SETD2: variants seen among roughly 807,000 people sequenced by gnomAD.
SETD2 encodes the protein SET domain containing 2, histone lysine methyltransferase.
In SETD2, 31 loss-of-function variants were observed where a neutral mutation model predicts 242.1. The ratio of observed to expected loss-of-function variants is 0.13; its 90% confidence interval spans 0.10 to 0.17. The LOEUF is 0.17. SETD2 is among the 10% of genes least tolerant of loss of function. The pLI is 1.00. For synonymous variants in SETD2, 1,006 were observed against 1,066.5 expected (o/e 0.94, Z 1.11); for missense variants, 2,481 against 3,046.3 (o/e 0.81, Z 4.37).
At chr3:47,040,482 C>T (rs944002427) in intron 17 of SETD2, among the ~76,000 whole-genome samples, 1 of 151,804 alleles carries the variant, frequency 6.6e-6, no homozygotes, top group African/African-American at 2.4e-5. Context: ...TGAAGACATC[C>T]CATCTCAATA....
Position 47,123,362 on chromosome 3 carries a change from G to A in SETD2, c.1274C>T (p.Ser425Phe), listed in dbSNP as rs973506863. 10 of 1,551,656 alleles carry A rather than the reference G, an allele frequency of 6.4e-6. No homozygotes were observed. Among genetic ancestry groups the A allele is most frequent in the Non-Finnish European group, 7.0e-6 (8 of 1,146,964 alleles). The change falls in exon 3 of 21, where the codon TCT becomes TTT. Residue 425 changes from serine (S) to phenylalanine (F), a missense_variant. This residue lies in a region of SETD2 where 1,300 missense variants were observed against 1,259.2 expected (regional missense o/e 1.03). Coordinates refer to ENST00000409792, the MANE Select transcript of SETD2 (RefSeq NM_014159.7). ...TNLSYSRSER[S>F]HYYDSDRRYH... ...GCGACGATCAGAGTCATAATAATGA[G>A]ATCGTTCTGACCTGGAATAGGATAA...
At chr3:47,156,918 AG>A (rs1342532347) in intron 1 of SETD2, among the ~76,000 whole-genome samples, 2 of 152,128 alleles carry the variant, frequency 1.3e-5, no homozygotes, top group Non-Finnish European at 2.9e-5. Flanking sequence ...GGCCAAGGAC[AG>A]GAGTTCGAGA....
chr3:47,063,997 AAAC>A lies in SETD2; in HGVS notation c.6110-1654_6110-1652del, dbSNP rs564430662. Among the ~76,000 whole-genome samples the A allele has an allele frequency of 4.6e-5, 7 of 152,182 alleles. No homozygotes were observed. The East Asian group carries it at 1.4e-3, about 29-fold the overall frequency. ...GACTCCATCTCGGGAGGAAAAAAAA[AAAC>A]AACAACTACTAAATCTCACCACTAA... is the stretch of plus-strand genomic sequence containing the variant. On this transcript the variant is annotated intron_variant, in intron 13 of 20. Transcript: ENST00000409792.
chr3:47,163,073 A>G (rs1402189978), intron 1 of SETD2, among the ~76,000 whole-genome samples: 1 of 152,174 alleles, frequency 6.6e-6, no homozygotes, highest in Admixed American at 6.5e-5. Context: ...TACCAAGAAA[A>G]TTGTGTCCGA....
At chr3:47,142,297 T>A in intron 1 of SETD2, among the ~76,000 whole-genome samples, 1 of 151,976 alleles carries the variant, frequency 6.6e-6, no homozygotes, top group Admixed American at 6.6e-5. Context: ...TGTTTGAGGC[T>A]AGGAGTTCGA....
intron 15 of SETD2, among the ~76,000 whole-genome samples, chr3:47,055,594 G>A (rs1450377579): frequency 6.6e-6 from 1 of 152,076 alleles, no homozygotes. Context: ...AGCTATTTGG[G>A]AGGTGGGAAG....
At position 47,101,597 on chromosome 3, in the gene SETD2, A is replaced by AGTGT. The variant is rs61571386; in HGVS notation, c.4918-46_4918-43dup. Reference sequence around the variant, plus strand: ...AAACAAAAGAAATTAGTAACTTATTAGTGTGTGTGTGTGTGTGTGTGTGTG... The same window carrying AGTGT: ...AAACAAAAGAAATTAGTAACTTATTAGTGTGTGTGTGTGTGTGTGTGTGTGTGTG... On this transcript the variant is annotated intron_variant, in intron 7 of 20. Transcript: ENST00000409792. 13,622 of 732,956 alleles carry AGTGT rather than the reference A, an allele frequency of 0.019. 76 individuals carry two copies. Among genetic ancestry groups the AGTGT allele is most frequent in the East Asian group, 0.052 (1,871 of 36,196 alleles). The allele number at this position is 732,956 out of a possible 1,614,324, so 45.4% of individuals were successfully genotyped here. A position where few individuals can be genotyped will look rare whatever the true frequency, so the allele number is the denominator to read the frequency against.
intron 15 of SETD2, among the ~76,000 whole-genome samples, chr3:47,051,750 G>A (rs1036750672): frequency 4.0e-5 from 6 of 151,484 alleles, no homozygotes; most frequent in African/African-American, 1.5e-4. Flanking sequence ...AAATCACCAG[G>A]GTAAAACATG....
At chr3:47,145,031 G>A (rs964962354) in intron 1 of SETD2, among the ~76,000 whole-genome samples, 2 of 152,004 alleles carry the variant, frequency 1.3e-5, no homozygotes, top group Non-Finnish European at 2.9e-5. Context: ...TTAAATAGTA[G>A]ACAATATTAT....
intron 18 of SETD2, among the ~76,000 whole-genome samples, chr3:47,033,584 T>C (rs2038870830): frequency 6.6e-6 from 1 of 151,346 alleles, no homozygotes; most frequent in African/African-American, 2.4e-5. Flanking sequence ...AATTTCTGAC[T>C]GAAAACCAAG....
Position 47,057,058 on chromosome 3 carries a change from G to A in SETD2, c.6726C>T (p.Ala2242=), listed in dbSNP as rs764822620. 2 of 1,614,132 alleles carry A rather than the reference G, an allele frequency of 1.2e-6. No homozygotes were observed. Among genetic ancestry groups the A allele is most frequent in the African/African-American group, 2.7e-5 (2 of 74,950 alleles). ...PVEVSSSQYV[A]QSDGVVHQDS... is the part of the protein sequence containing the mutation. ...CTTGGTGTACTACACCATCACTCTG[G>A]GCCACATACTGGGAACTGGAAACTT... Residue 2242 remains alanine, a synonymous_variant, in exon 15 of 21, where the codon GCC becomes GCT. Transcript: ENST00000409792.
rs2106658841 is a variant in SETD2 at position 47,121,718 on chromosome 3, C to A, written c.2918G>T (p.Arg973Ile). 2 of 1,614,162 alleles carry A rather than the reference C, an allele frequency of 1.2e-6. No individual in the cohort carries two copies. Among genetic ancestry groups the A allele is most frequent in the Non-Finnish European group, 1.7e-6 (2 of 1,180,018 alleles). ...QEEGNSILPE[R>I]RGRPEISLDE... ...TAAAGAGATTTCTGGTCTTCCTCTT[C>A]TTTCAGGCAATATGGAATTCCCTTC... The change falls in exon 3 of 21, where the codon AGA (arginine) becomes ATA (isoleucine). Residue 973 changes from arginine (R) to isoleucine (I), a missense_variant. This residue lies in a region of SETD2 where 1,300 missense variants were observed against 1,259.2 expected (regional missense o/e 1.03). Coordinates refer to ENST00000409792, the MANE Select transcript of SETD2 (RefSeq NM_014159.7).
At position 47,016,828 on chromosome 3, in the gene SETD2, G is replaced by A; in HGVS notation, c.*265C>T. On this transcript the variant is annotated 3_prime_UTR_variant, in exon 21 of 21. Transcript: ENST00000409792. ...AGGAGAAGACCCAGGTTTAAGAGTGGAGTCAGGTCTGGCCAGGGTCTTTTC... is the reference window on the plus strand; with the variant it reads ...AGGAGAAGACCCAGGTTTAAGAGTGAAGTCAGGTCTGGCCAGGGTCTTTTC... 1 of 434,208 alleles carries A rather than the reference G, an allele frequency of 2.3e-6. No individual in the cohort carries two copies. The highest frequency in any genetic ancestry group is 4.1e-6 in the Non-Finnish European group (1 of 241,384). 26.9% of individuals were successfully genotyped at this position (434,208 alleles called of 1,614,324 possible).
At chr3:47,133,364 T>A (rs1356182057) in intron 1 of SETD2, among the ~76,000 whole-genome samples, 2 of 152,162 alleles carry the variant, frequency 1.3e-5, no homozygotes, top group African/African-American at 4.8e-5. Context: ...GAAATCTCTA[T>A]TTTTTAAACC....
chr3:47,158,138 G>C (rs1249608729), intron 1 of SETD2, among the ~76,000 whole-genome samples: 3 of 151,972 alleles, frequency 2.0e-5, no homozygotes, highest in Admixed American at 2.0e-4. Flanking sequence ...TTCCTTCTCA[G>C]TCTAATATTT....
At chr3:47,135,555 C>T (rs1417608779) in intron 1 of SETD2, among the ~76,000 whole-genome samples, 5 of 152,222 alleles carry the variant, frequency 3.3e-5, no homozygotes, top group African/African-American at 1.2e-4. Flanking sequence ...GGATTACAGG[C>T]ATGAGCCAGT....
intron 1 of SETD2, among the ~76,000 whole-genome samples, chr3:47,146,907 C>T (rs1390442382): frequency 6.6e-6 from 1 of 151,210 alleles, no homozygotes; most frequent in Admixed American, 6.6e-5. Flanking sequence ...ATTACTAGTC[C>T]ACTCTAGGTG....
chr3:47,040,905 A>G (rs1293455573), intron 17 of SETD2, among the ~76,000 whole-genome samples: 1 of 152,152 alleles, frequency 6.6e-6, no homozygotes. Flanking sequence ...TTTTTGTGAG[A>G]GTCCAAATTG....
At chr3:47,154,141 T>C (rs1411306148) in intron 1 of SETD2, among the ~76,000 whole-genome samples, 1 of 152,212 alleles carries the variant, frequency 6.6e-6, no homozygotes, top group Admixed American at 6.5e-5. Context: ...CCAGGCGCGA[T>C]GGCTCACACC....
Sources: allele counts gnomAD v4.1 joint callset (sites outside exome capture counted in the v4.1 genomes callset), GRCh38; gene constraint gnomAD v4.1.1; regional missense constraint gnomAD v4.1.1; transcripts MANE v1.5; gene names NCBI Gene and HGNC (gene_info 2026-07-23, HGNC 2026-07-21).